NEGR1: variants seen among roughly 807,000 people sequenced by gnomAD.
NEGR1 encodes the protein neuronal growth regulator 1, also known as IgLON family member 4.
NEGR1 carries 10 observed loss-of-function variants against 40.9 expected under a neutral mutation model. The ratio of observed to expected loss-of-function variants is 0.24; its 90% CI spans 0.15 to 0.42. NEGR1 has a LOEUF of 0.42. Ranked by LOEUF, NEGR1 falls within the 10% of genes least tolerant of loss-of-function variation. The pLI, the probability that NEGR1 is intolerant of heterozygous loss-of-function variation, is 1.00. For synonymous variants in NEGR1, 185 were observed against 166.8 expected, an observed-to-expected ratio of 1.11 and a Z score of -0.84; for missense variants, 352 against 438.9, an observed-to-expected ratio of 0.80 and a Z score of 1.77.
intron 1 of NEGR1, among the ~76,000 whole-genome samples, chr1:72,017,508 A>G (rs1272520913): frequency 6.7e-6 from 1 of 150,270 alleles, no homozygotes; most frequent in African/African-American, 2.4e-5. Flanking sequence ...TAAAAAAATA[A>G]AAAATTGAGT....
intron 1 of NEGR1, among the ~76,000 whole-genome samples, chr1:72,206,234 C>T (rs1653392381): frequency 6.6e-6 from 1 of 151,820 alleles, no homozygotes; most frequent in Admixed American, 6.6e-5. Flanking sequence ...TTTTTAAAAA[C>T]ATCAAATACA....
intron 1 of NEGR1, among the ~76,000 whole-genome samples, chr1:72,255,348 A>C (rs1357643485): frequency 2.0e-5 from 3 of 152,176 alleles, no homozygotes; most frequent in African/African-American, 7.2e-5. Flanking sequence ...ATTTTATGCC[A>C]AGCAACACTA....
intron 4 of NEGR1, among the ~76,000 whole-genome samples, chr1:71,637,462 A>T (rs188516225): frequency 4.1e-4 from 63 of 152,094 alleles, no homozygotes; most frequent in African/African-American, 1.4e-3. Flanking sequence ...CTTTAAAGTG[A>T]TGATTATTTT....
intron 3 of NEGR1, among the ~76,000 whole-genome samples, chr1:71,707,570 G>T (rs75068442): frequency 0.073 from 11,103 of 152,140 alleles, 499 homozygotes; most frequent in East Asian, 0.13. Context: ...GGGCCTGGGG[G>T]ACTTCACCAT....
At chr1:72,140,038 T>C (rs1324450871) in intron 1 of NEGR1, among the ~76,000 whole-genome samples, 1 of 152,028 alleles carries the variant, frequency 6.6e-6, no homozygotes, top group African/African-American at 2.4e-5. Flanking sequence ...TATCCAATCA[T>C]AAAAGATTAA....
intron 1 of NEGR1, among the ~76,000 whole-genome samples, chr1:72,141,980 G>A (rs1353481163): frequency 1.3e-5 from 2 of 151,886 alleles, no homozygotes; most frequent in African/African-American, 2.4e-5. Context: ...AAAGTCAGCA[G>A]CTAATAAAGA....
intron 1 of NEGR1, among the ~76,000 whole-genome samples, chr1:72,278,427 G>A (rs1329958712): frequency 2.0e-5 from 3 of 152,130 alleles, no homozygotes; most frequent in East Asian, 3.8e-4. Flanking sequence ...CTGGGAGAAT[G>A]TAAATGAGAA....
At chr1:71,923,385 TCACA>T (rs986981453) in intron 2 of NEGR1, among the ~76,000 whole-genome samples, 11 of 149,702 alleles carry the variant, frequency 7.3e-5, no homozygotes, top group East Asian at 2.0e-4. Flanking sequence ...TCTCTCTCTC[TCACA>T]CACACACACA....
rs145438391 is a variant in NEGR1, at chr1:71,718,007, C to T, written c.536-19868G>A. Among the ~76,000 whole-genome samples, 653 of 152,226 alleles carry T rather than the reference C, an allele frequency of 4.3e-3. 5 individuals carry two copies. The highest frequency in any genetic ancestry group is 0.015 in the African/African-American group (617 of 41,546). On this transcript the variant is annotated intron_variant, in intron 3 of 6. Coordinates refer to ENST00000357731, the MANE Select transcript of NEGR1 (RefSeq NM_173808.3). ...ACTTATAGCCTCCAGAATTGTGAGA[C>T]AATACATTTCTGCTGTTGAAGCCAC...
Position 71,791,465 on chromosome 1 carries a change from T to C in NEGR1, c.410-15168A>G, listed in dbSNP as rs12730872. Among the ~76,000 whole-genome samples, 546 of 152,178 alleles carry C rather than the reference T, an allele frequency of 3.6e-3. 3 individuals carry two copies. Among genetic ancestry groups the C allele is most frequent in the Non-Finnish European group, 6.7e-3 (455 of 67,956 alleles). On this transcript the variant is annotated intron_variant, in intron 2 of 6. Coordinates refer to ENST00000357731, the MANE Select transcript of NEGR1 (RefSeq NM_173808.3). ...AGTGGCAGTGTTTAGAGCATGGAAA[T>C]TGGCAAATGCTATAAATTATGGCTT...
At chr1:71,763,990 AAAG>A (rs1440676287) in intron 3 of NEGR1, among the ~76,000 whole-genome samples, 1 of 152,160 alleles carries the variant, frequency 6.6e-6, no homozygotes, top group Admixed American at 6.5e-5. Flanking sequence ...CATGTAGTAT[AAAG>A]AAGAACAGAT....
intron 4 of NEGR1, among the ~76,000 whole-genome samples, chr1:71,645,448 C>G (rs1250534584): frequency 6.6e-6 from 1 of 151,702 alleles, no homozygotes; most frequent in Non-Finnish European, 1.5e-5. Flanking sequence ...TATCAGATAC[C>G]AACATTTGTT....
At chr1:71,818,256 T>G (rs553313781) in intron 2 of NEGR1, among the ~76,000 whole-genome samples, 1 of 152,134 alleles carries the variant, frequency 6.6e-6, no homozygotes, top group African/African-American at 2.4e-5. Flanking sequence ...ACAGAACTAT[T>G]CACAATTGCA....
intron 1 of NEGR1, among the ~76,000 whole-genome samples, chr1:72,138,466 G>A (rs917331064): frequency 2.6e-5 from 4 of 151,820 alleles, no homozygotes; most frequent in African/African-American, 7.3e-5. Flanking sequence ...CCAAATATGT[G>A]CTGCCAAGAA....
intron 1 of NEGR1, among the ~76,000 whole-genome samples, chr1:72,162,712 C>T (rs1192041469): frequency 6.6e-6 from 1 of 152,066 alleles, no homozygotes; most frequent in Non-Finnish European, 1.5e-5. Flanking sequence ...CCAGAAATCC[C>T]CTGCAGACAA....
chr1:72,073,303 C>T (rs575536230), intron 1 of NEGR1, among the ~76,000 whole-genome samples: 1 of 152,006 alleles, frequency 6.6e-6, no homozygotes, highest in East Asian at 1.9e-4. Flanking sequence ...ACACTAAGGG[C>T]CATCTTTCAT....
At chr1:71,672,223 A>G (rs1468740133) in intron 4 of NEGR1, among the ~76,000 whole-genome samples, 2 of 152,256 alleles carry the variant, frequency 1.3e-5, no homozygotes, top group Non-Finnish European at 2.9e-5. Context: ...AACCATAGAC[A>G]CAATAGTCAC....
intron 3 of NEGR1, among the ~76,000 whole-genome samples, chr1:71,720,117 T>G (rs1654455045): frequency 6.6e-6 from 1 of 152,150 alleles, no homozygotes; most frequent in African/African-American, 2.4e-5. Flanking sequence ...TGAAGAAAGA[T>G]GAATACAGAG....
At chr1:71,721,800 G>T (rs1341606409) in intron 3 of NEGR1, among the ~76,000 whole-genome samples, 1 of 152,132 alleles carries the variant, frequency 6.6e-6, no homozygotes, top group Non-Finnish European at 1.5e-5. Context: ...CTCACTGGAT[G>T]AATGCAATTT....
Sources: allele counts gnomAD v4.1 joint callset (sites outside exome capture counted in the v4.1 genomes callset), GRCh38; gene constraint gnomAD v4.1.1; transcripts MANE v1.5; gene names NCBI Gene and HGNC (gene_info 2026-07-23, HGNC 2026-07-21).